The following HECW1 variants were observed in gnomAD, a reference collection of about 807,000 sequenced individuals.
HECW1 encodes HECT, C2 and WW domain containing E3 ubiquitin protein ligase 1.
Under a neutral mutation model 182.3 loss-of-function variants are expected in HECW1, and 61 were observed. The observed-to-expected ratio is 0.33, with a 90% CI of 0.27 to 0.41. The LOEUF is 0.41. HECW1 is among the 10% of genes least tolerant of loss of function. The pLI is 1.00. For synonymous variants in HECW1, 859 were observed against 832.6 expected, an observed-to-expected ratio of 1.03 and a Z score of -0.55; for missense variants, 1,739 against 2,108.9, an observed-to-expected ratio of 0.82 and a Z score of 3.44.
intron 6 of HECW1, among the ~76,000 whole-genome samples, chr7:43,381,845 T>C (rs895494595): frequency 3.3e-5 from 5 of 151,984 alleles, no homozygotes; most frequent in African/African-American, 1.2e-4. Flanking sequence ...AAAAATTTTT[T>C]TAGAAATGGG....
At chr7:43,259,168 C>T (rs577916680) in intron 3 of HECW1, among the ~76,000 whole-genome samples, 1 of 152,250 alleles carries the variant, frequency 6.6e-6, no homozygotes, top group African/African-American at 2.4e-5. Flanking sequence ...GGGGGGATCA[C>T]CTAAGGTTAG....
chr7:43,398,407 T>C (rs1200505653), intron 7 of HECW1, among the ~76,000 whole-genome samples: 1 of 152,188 alleles, frequency 6.6e-6, no homozygotes, highest in Non-Finnish European at 1.5e-5. Flanking sequence ...GCCTGAGGAC[T>C]CTGTTGAGCA....
At chr7:43,475,439 C>A (rs1348254870) in intron 16 of HECW1, among the ~76,000 whole-genome samples, 1 of 151,872 alleles carries the variant, frequency 6.6e-6, no homozygotes, top group Admixed American at 6.6e-5. Flanking sequence ...TACATGTGAA[C>A]AATACTTAAT....
intron 19 of HECW1, among the ~76,000 whole-genome samples, chr7:43,494,488 A>T (rs1018128626): frequency 6.6e-5 from 10 of 151,716 alleles, no homozygotes; most frequent in African/African-American, 2.4e-4. Context: ...TTTCCATCAC[A>T]TATGAAATAA....
In HECW1 at chr7:43,564,385, T is replaced by C. The variant is rs1197443765; in HGVS notation, c.*2459T>C. On this transcript the variant is annotated 3_prime_UTR_variant, in exon 30 of 30. Coordinates refer to ENST00000395891, the MANE Select transcript of HECW1 (RefSeq NM_015052.5). Reference sequence around the variant, plus strand: ...TTATATAAATTACTAATTAATCTATTAATTAGATTAATTAATATCTAATCT... The same window carrying C: ...TTATATAAATTACTAATTAATCTATCAATTAGATTAATTAATATCTAATCT... 5.5e-6 allele frequency: 1 copy of C among 181,418 alleles called. No homozygotes were observed. Among genetic ancestry groups the C allele is most frequent in the African/African-American group, 2.4e-5 (1 of 42,440 alleles). The allele number at this position is 181,418 out of a possible 1,614,324, so 11.2% of individuals were successfully genotyped here. A position where few individuals can be genotyped will look rare whatever the true frequency, so the allele number is the denominator to read the frequency against.
intron 2 of HECW1, among the ~76,000 whole-genome samples, chr7:43,215,262 C>G (rs1796340292): frequency 6.6e-6 from 1 of 152,258 alleles, no homozygotes; most frequent in Non-Finnish European, 1.5e-5. Flanking sequence ...AACCCTTTAG[C>G]TGCTGCACCT....
intron 2 of HECW1, among the ~76,000 whole-genome samples, chr7:43,172,775 T>G: frequency 6.6e-6 from 1 of 152,184 alleles, no homozygotes; most frequent in East Asian, 1.9e-4. Context: ...TACCTGATAT[T>G]GAGAAATACT....
intron 28 of HECW1, 35 bp from the exon 29 acceptor site, chr7:43,554,557 C>T (rs2152961081): frequency 1.3e-6 from 2 of 1,578,118 alleles, no homozygotes; most frequent in Non-Finnish European, 8.7e-7. Context: ...CTTTTCTCCA[C>T]ATCCTGTCTT....
intron 3 of HECW1, among the ~76,000 whole-genome samples, chr7:43,292,589 A>C (rs1805526676): frequency 6.6e-6 from 1 of 152,204 alleles, no homozygotes; most frequent in South Asian, 2.1e-4. Context: ...CCTGAGAGGG[A>C]GCTCAGGGGA....
chr7:43,276,211 T>C (rs1397863825), intron 3 of HECW1, among the ~76,000 whole-genome samples: 1 of 152,180 alleles, frequency 6.6e-6, no homozygotes, highest in East Asian at 1.9e-4. Context: ...TTTGGATCAA[T>C]CTAGCAGACT....
intron 2 of HECW1, among the ~76,000 whole-genome samples, chr7:43,213,213 T>G (rs1461326314): frequency 6.6e-6 from 1 of 152,018 alleles, no homozygotes; most frequent in Non-Finnish European, 1.5e-5. Flanking sequence ...CCAAGTGAGG[T>G]GTTTTCAAGT....
chr7:43,495,857 C>T (rs904266114), intron 19 of HECW1, among the ~76,000 whole-genome samples: 12 of 152,204 alleles, frequency 7.9e-5, no homozygotes, highest in East Asian at 3.9e-4. Context: ...GGGTTTTTGA[C>T]GCGTGGTTGT....
chr7:43,185,524 A>G (rs1370913734), intron 2 of HECW1, among the ~76,000 whole-genome samples: 1 of 152,224 alleles, frequency 6.6e-6, no homozygotes, highest in Non-Finnish European at 1.5e-5. Context: ...GTAGAGTGTC[A>G]GAATTGAATC....
At chr7:43,320,514 G>T (rs1197855507) in intron 4 of HECW1, 121 bp from the exon 5 acceptor site, 4 of 677,614 alleles carry the variant, frequency 5.9e-6, no homozygotes, top group Non-Finnish European at 1.0e-5. Context: ...TCTGGTTCCA[G>T]GTGCTTTTTC....
intron 8 of HECW1, among the ~76,000 whole-genome samples, chr7:43,425,705 A>G (rs568639666): frequency 2.0e-5 from 3 of 152,336 alleles, no homozygotes; most frequent in Admixed American, 1.3e-4. Context: ...AGCAAGAGAC[A>G]AGAGAAAGGA....
intron 2 of HECW1, among the ~76,000 whole-genome samples, chr7:43,163,421 T>G (rs922971680): frequency 2.0e-5 from 3 of 152,164 alleles, no homozygotes; most frequent in Non-Finnish European, 4.4e-5. Flanking sequence ...CCACCCTTGT[T>G]CTGTCCGGGG....
rs1472006606 is a variant in HECW1 at position 43,445,181 on chromosome 7, G to T, written c.2009G>T (p.Cys670Phe). 6.2e-7 allele frequency: 1 copy of T among 1,612,058 alleles called. No homozygotes were observed. The change falls in exon 11 of 30, where the codon TGC (cysteine) becomes TTC (phenylalanine). Residue 670 changes from cysteine (C) to phenylalanine (F), a missense_variant. Around this residue, in one of 5 missense-constraint regions of HECW1, gnomAD observed 971 missense variants for 1,029.1 expected, o/e 0.94. Transcript: ENST00000395891. ...SSPRQGGDHS[C>F]EGCDASCCSP... The stretch of plus-strand genomic sequence containing the variant: ...CCCAGGCAAGGCGGGGACCACAGTT[G>T]CGAGGGCTGTGACGCGTCCTGCTGC...
At chr7:43,456,149 G>A (rs527267985) in intron 12 of HECW1, 148 bp from the exon 13 acceptor site, 23 of 613,828 alleles carry the variant, frequency 3.7e-5, no homozygotes, top group African/African-American at 7.4e-5. Context: ...CCCAGAAGTC[G>A]TGGTGGCAGG....
At chr7:43,299,207 C>CA (rs1806426418) in intron 3 of HECW1, among the ~76,000 whole-genome samples, 1 of 152,180 alleles carries the variant, frequency 6.6e-6, no homozygotes, top group Admixed American at 6.5e-5. Flanking sequence ...GAGGTAGTAC[C>CA]AATTCAACTG....
Sources: allele counts gnomAD v4.1 joint callset (sites outside exome capture counted in the v4.1 genomes callset), GRCh38; gene constraint gnomAD v4.1.1; regional missense constraint gnomAD v4.1.1; transcripts MANE v1.5; gene names NCBI Gene and HGNC (gene_info 2026-07-23, HGNC 2026-07-21).